The following ARMC9 variants were observed in gnomAD, a reference collection of about 807,000 sequenced individuals.
The protein encoded by ARMC9 is lisH domain-containing protein ARMC9.
A neutral mutation model predicts 107.0 loss-of-function variants in ARMC9; 94 were observed. The ratio of observed to expected loss-of-function variants is 0.88; its 90% CI spans 0.74 to 1.04. ARMC9 has a LOEUF of 1.04. ARMC9 is among the 50% of genes least tolerant of loss of function. The pLI is 0.00. For missense variants in ARMC9, 942 were observed against 1,030.1 expected (o/e 0.91, Z 1.17); for synonymous variants, 380 against 396.9 (o/e 0.96, Z 0.51).
intron 12 of ARMC9, 71 bp downstream of exon 12, chr2:231,262,469 A>G: frequency 7.2e-7 from 1 of 1,379,640 alleles, no homozygotes; most frequent in Non-Finnish European, 1.0e-6. Context: ...CAGATGGGGG[A>G]AGCTTATAAT....
intron 19 of ARMC9, among the ~76,000 whole-genome samples, chr2:231,328,257 G>A (rs1245721965): frequency 1.3e-5 from 2 of 152,106 alleles, no homozygotes; most frequent in Non-Finnish European, 2.9e-5. Context: ...GATTGTTTGG[G>A]TATTTTGAAT....
intron 19 of ARMC9, among the ~76,000 whole-genome samples, chr2:231,312,047 A>C (rs1333969512): frequency 6.6e-6 from 1 of 152,156 alleles, no homozygotes; most frequent in Non-Finnish European, 1.5e-5. Context: ...GCTAACCCCC[A>C]AAAAACTACC....
chr2:231,222,701 T>G, intron 5 of ARMC9, 27 bp from the exon 6 acceptor site: 1 of 1,269,940 alleles, frequency 7.9e-7, no homozygotes, highest in Admixed American at 1.8e-5. Flanking sequence ...ATCTAATGTT[T>G]GTATTTTTGT....
At chr2:231,247,016 C>T (rs927381847) in intron 9 of ARMC9, among the ~76,000 whole-genome samples, 11 of 151,676 alleles carry the variant, frequency 7.3e-5, no homozygotes, top group Admixed American at 3.3e-4. Context: ...AGTGCAGTGG[C>T]ACGGTCTTGG....
intron 19 of ARMC9, among the ~76,000 whole-genome samples, chr2:231,326,404 G>A (rs1400733554): frequency 6.6e-6 from 1 of 152,230 alleles, no homozygotes; most frequent in Non-Finnish European, 1.5e-5. Context: ...AAGCTAGCAG[G>A]AGCAGCATCT....
chr2:231,259,059 G>A lies in ARMC9; in HGVS notation c.983G>A (p.Gly328Glu), dbSNP rs1290235064. The A allele has an allele frequency of 6.2e-7, 1 of 1,614,006 alleles. No individual in the cohort carries two copies. Among genetic ancestry groups the A allele is most frequent in the African/African-American group, 1.3e-5 (1 of 74,914 alleles). The part of the protein sequence containing the change: ...YEKLKKDLIL[G>E]SDRLKAFLLQ... ...AAACTGAAGAAGGATTTGATTTTGG[G>A]GAGTGACCGCTTGAAAGCCTTCTTG... Residue 328 changes from glycine to glutamate, a missense_variant, in exon 11 of 25, where the codon GGG becomes GAG. Gly to Glu is a moderately conservative substitution (Grantham distance 98). Coordinates refer to ENST00000611582, the MANE Select transcript of ARMC9 (RefSeq NM_001352754.2).
At chr2:231,256,674 G>T in intron 10 of ARMC9, 54 bp downstream of exon 10, 1 of 1,577,118 alleles carries the variant, frequency 6.3e-7, no homozygotes, top group Non-Finnish European at 8.7e-7. Flanking sequence ...TGTGTAAAAC[G>T]GGAATTCAAA....
chr2:231,200,543 G>A (rs1246679858), intron 1 of ARMC9, among the ~76,000 whole-genome samples: 5 of 152,266 alleles, frequency 3.3e-5, no homozygotes, highest in Admixed American at 6.5e-5. Flanking sequence ...CGTTGGTGGC[G>A]GACGCCTGTA....
At chr2:231,282,175 G>A in intron 17 of ARMC9, 42 bp downstream of exon 17, 1 of 1,597,274 alleles carries the variant, frequency 6.3e-7, no homozygotes, top group Non-Finnish European at 8.6e-7. Flanking sequence ...TTCCTTTAGT[G>A]CCACAGTTCA....
chr2:231,325,604 C>T (rs2043270946), intron 19 of ARMC9, among the ~76,000 whole-genome samples: 1 of 152,124 alleles, frequency 6.6e-6, no homozygotes, highest in African/African-American at 2.4e-5. Flanking sequence ...AGCTCCCTGC[C>T]ACTCACTCAG....
At chr2:231,272,163 G>A (rs2039376378) in intron 13 of ARMC9, among the ~76,000 whole-genome samples, 1 of 138,302 alleles carries the variant, frequency 7.2e-6, no homozygotes, top group African/African-American at 3.1e-5. Context: ...TTTTGTGGGG[G>A]TTTTGTGTGT....
rs1387795780 is a variant in ARMC9 at position 231,374,889 on chromosome 2, C to T, written c.*3354C>T. ...AATTTTGTATGCAAGGTGAATACCT[C>T]ACCCCTCTCTCCTGGCCTAGAATCT... On this transcript the variant is annotated 3_prime_UTR_variant, in exon 25 of 25. Coordinates refer to ENST00000611582, the MANE Select transcript of ARMC9 (RefSeq NM_001352754.2). 1 of 152,152 alleles carries T rather than the reference C, an allele frequency of 6.6e-6. No individual in the cohort carries two copies. The highest frequency in any genetic ancestry group is 1.5e-5 in the Non-Finnish European group (1 of 68,036). The allele number at this position is 152,152 out of a possible 1,614,324, so 9.4% of individuals were successfully genotyped here.
Position 231,276,787 on chromosome 2 carries a change from G to C in ARMC9, c.1474+12G>C. ...CCTCCGCAGCACAGGTCTCAGCCCC[G>C]ACCCTCATTCTAGTGCAAGAAGGGG... On this transcript the variant is annotated intron_variant, in intron 15 of 24. Transcript: ENST00000611582. The C allele has an allele frequency of 2.5e-6, 4 of 1,613,432 alleles. No homozygotes were observed. Among genetic ancestry groups the C allele is most frequent in the Non-Finnish European group, 3.4e-6 (4 of 1,179,730 alleles).
chr2:231,364,300 T>C (rs2045719140), intron 23 of ARMC9, among the ~76,000 whole-genome samples: 1 of 152,230 alleles, frequency 6.6e-6, no homozygotes, highest in Non-Finnish European at 1.5e-5. Flanking sequence ...GGTGGCTCTG[T>C]CTGAGGAGCT....
intron 1 of ARMC9, among the ~76,000 whole-genome samples, chr2:231,203,829 G>A (rs551962993): frequency 2.0e-4 from 31 of 152,156 alleles, no homozygotes; most frequent in Non-Finnish European, 3.1e-4. Flanking sequence ...GCATGGTGGC[G>A]GGTGCCTGTA....
intron 1 of ARMC9, among the ~76,000 whole-genome samples, chr2:231,201,324 G>A (rs769662913): frequency 6.6e-6 from 1 of 152,334 alleles, no homozygotes; most frequent in East Asian, 1.9e-4. Context: ...CCCTCCCTGA[G>A]GTAGCCACTT....
chr2:231,299,367 C>T (rs534870115), intron 19 of ARMC9, among the ~76,000 whole-genome samples: 2 of 152,128 alleles, frequency 1.3e-5, no homozygotes, highest in South Asian at 4.1e-4. Context: ...TGGACATGTA[C>T]GCCCTCTTTG....
At chr2:231,323,791 A>G (rs1329756253) in intron 19 of ARMC9, among the ~76,000 whole-genome samples, 1 of 152,240 alleles carries the variant, frequency 6.6e-6, no homozygotes, top group Non-Finnish European at 1.5e-5. Flanking sequence ...GAACCTTGGT[A>G]CAAAACTTTT....
intron 23 of ARMC9, among the ~76,000 whole-genome samples, chr2:231,367,102 G>A (rs866248803): frequency 2.0e-5 from 3 of 151,766 alleles, no homozygotes; most frequent in East Asian, 2.0e-4. Flanking sequence ...CCCCCGCCTC[G>A]GCCTCCCAAA....
Sources: gnomAD v4.1 joint callset for allele counts (sites outside exome capture counted in the v4.1 genomes callset) on GRCh38, gnomAD v4.1.1 for gene constraint, MANE v1.5 for transcripts, NCBI Gene and HGNC (gene_info 2026-07-23, HGNC 2026-07-21) for gene names.